Variants in CALN1 observed in about 807,000 individuals in gnomAD.
The protein encoded by CALN1 is calneuron 1, also known as calcium-binding protein 8.
CALN1 carries 17 observed loss-of-function variants against 30.6 expected under a neutral mutation model. That is an observed-to-expected ratio of 0.56 (90% CI 0.38 to 0.83). The LOEUF is 0.83. Ranked by LOEUF, CALN1 falls within the 40% of genes least tolerant of loss-of-function variation. The pLI is 0.00. For synonymous variants in CALN1, 156 were observed against 131.4 expected (o/e 1.19, Z -1.28); for missense variants, 291 against 354.9 (o/e 0.82, Z 1.45).
intron 3 of CALN1, among the ~76,000 whole-genome samples, chr7:72,159,740 G>A (rs140422542): frequency 1.0e-3 from 155 of 152,344 alleles, no homozygotes; most frequent in Admixed American, 3.7e-3. Context: ...AAAGGTTGCA[G>A]TGAACCAAGA....
intron 2 of CALN1, among the ~76,000 whole-genome samples, chr7:72,292,907 C>T (rs974960487): frequency 6.6e-6 from 1 of 151,838 alleles, no homozygotes; most frequent in Non-Finnish European, 1.5e-5. Context: ...ACCGGAGTCT[C>T]ATTTCCTATT....
At chr7:71,949,807 G>A (rs767645460) in intron 5 of CALN1, among the ~76,000 whole-genome samples, 1 of 151,244 alleles carries the variant, frequency 6.6e-6, no homozygotes, top group African/African-American at 2.4e-5. Flanking sequence ...TGTCGCCCAG[G>A]CTGGAGTGCA....
At chr7:72,103,533 T>TC (rs1316729110) in intron 4 of CALN1, among the ~76,000 whole-genome samples, 1 of 152,172 alleles carries the variant, frequency 6.6e-6, no homozygotes, top group Non-Finnish European at 1.5e-5. Context: ...ATGAAACACT[T>TC]CATTTCTTCA....
At chr7:71,791,647 C>T (rs1301094164) in intron 6 of CALN1, among the ~76,000 whole-genome samples, 1 of 152,148 alleles carries the variant, frequency 6.6e-6, no homozygotes, top group African/African-American at 2.4e-5. Context: ...ACAACAAACG[C>T]CTGTGACACG....
intron 3 of CALN1, among the ~76,000 whole-genome samples, chr7:72,256,114 T>G (rs1166259178): frequency 1.3e-5 from 2 of 152,246 alleles, no homozygotes; most frequent in Non-Finnish European, 2.9e-5. Flanking sequence ...ATTAGTGTCC[T>G]ATTAGATGGG....
chr7:72,473,824 C>T, the CALN1 span, among the ~76,000 whole-genome samples: 3 of 151,472 alleles, frequency 2.0e-5, no homozygotes, highest in African/African-American at 7.3e-5. Context: ...ATCCCAGCTA[C>T]CTGGGAGGCT....
chr7:71,933,289 G>A (rs1010645124), intron 5 of CALN1, among the ~76,000 whole-genome samples: 12 of 152,242 alleles, frequency 7.9e-5, no homozygotes, highest in African/African-American at 2.9e-4. Flanking sequence ...TGCGTGGTAC[G>A]TAAATGTCAC....
intron 1 of CALN1, among the ~76,000 whole-genome samples, chr7:72,429,723 TTATA>T (rs1172668700): frequency 6.8e-6 from 1 of 147,736 alleles, no homozygotes; most frequent in South Asian, 2.1e-4. Flanking sequence ...TTATATGTAA[TTATA>T]TATATGTCTG....
intron 5 of CALN1, among the ~76,000 whole-genome samples, chr7:71,879,101 G>A (rs1282629946): frequency 6.6e-6 from 1 of 152,192 alleles, no homozygotes; most frequent in African/African-American, 2.4e-5. Flanking sequence ...CCTGATGGCA[G>A]AGAAAGAATA....
At chr7:72,392,145 A>G (rs1323482307) in intron 2 of CALN1, among the ~76,000 whole-genome samples, 6 of 152,168 alleles carry the variant, frequency 3.9e-5, no homozygotes, top group South Asian at 2.1e-4. Context: ...TGGCAAAACC[A>G]TATGTAGATG....
rs577966465 is a variant in CALN1 at position 72,202,157 on chromosome 7, A to G, written c.244+76529T>C. On this transcript the variant is annotated intron_variant, in intron 3 of 6. Coordinates refer to ENST00000395275, the MANE Select transcript of CALN1 (RefSeq NM_031468.4). ...ACAAGTAACATAAGATTTGCAAGAA[A>G]CCAAAAAGCATTTAAATATCCACAT... Among the ~76,000 whole-genome samples the G allele has an allele frequency of 1.6e-4, 24 of 152,326 alleles. No individual in the cohort carries two copies. In the East Asian group the frequency reaches 4.4e-3, roughly 28 times the overall value.
the CALN1 span, among the ~76,000 whole-genome samples, chr7:72,471,655 G>A: frequency 3.5e-4 from 54 of 152,228 alleles, 1 homozygote; most frequent in Non-Finnish European, 5.6e-4. Flanking sequence ...AGGGTGATGG[G>A]GAGAGCTTAT....
chr7:72,361,576 T>C (rs188180374), intron 2 of CALN1, among the ~76,000 whole-genome samples: 1 of 152,324 alleles, frequency 6.6e-6, no homozygotes, highest in Non-Finnish European at 1.5e-5. Flanking sequence ...GTAAATGTTT[T>C]ATAAAAGTTT....
chr7:72,085,747 G>A (rs1006810588), intron 4 of CALN1, among the ~76,000 whole-genome samples: 1 of 152,192 alleles, frequency 6.6e-6, no homozygotes, highest in Non-Finnish European at 1.5e-5. Flanking sequence ...GAACTCAAGA[G>A]CTTTACATTT....
chr7:72,459,218 T>G, the CALN1 span, among the ~76,000 whole-genome samples: 7 of 152,122 alleles, frequency 4.6e-5, no homozygotes, highest in Non-Finnish European at 1.0e-4. Flanking sequence ...ATTTCTATAT[T>G]AACATGCGAA....
chr7:71,882,894 T>TGTGTGTG (rs1792669257), intron 5 of CALN1, among the ~76,000 whole-genome samples: 7 of 99,074 alleles, frequency 7.1e-5, no homozygotes, highest in African/African-American at 2.3e-4. Flanking sequence ...GTGTGTGTGT[T>TGTGTGTG]TGTAAAGACA....
rs191426414 is a variant in CALN1, at chr7:72,002,098, A to G, written c.501+21559T>C. On this transcript the variant is annotated intron_variant, in intron 5 of 6. Transcript: ENST00000395275. ...TAATGTGAAGGACTGAAAAAATTGA[A>G]TGCTTTCTCTATAAGATTGGGAAGG... 4.6e-5 allele frequency among the ~76,000 whole-genome samples: 7 copies of G among 152,352 alleles called. No individual in the cohort carries two copies. In the East Asian group the frequency reaches 1.3e-3, roughly 29 times the overall value.
At chr7:72,322,451 G>C (rs1009988969) in intron 2 of CALN1, among the ~76,000 whole-genome samples, 3 of 152,134 alleles carry the variant, frequency 2.0e-5, no homozygotes, top group African/African-American at 7.2e-5. Context: ...CCATGGCCAA[G>C]GGGTTGGGGA....
intron 2 of CALN1, among the ~76,000 whole-genome samples, chr7:72,306,690 T>C (rs1271338480): frequency 6.6e-6 from 1 of 152,058 alleles, no homozygotes. Context: ...ACCTATAGCC[T>C]AGAAGCCCCC....
Sources: allele counts gnomAD v4.1 joint callset (sites outside exome capture counted in the v4.1 genomes callset), GRCh38; gene constraint gnomAD v4.1.1; transcripts MANE v1.5; gene names NCBI Gene and HGNC (gene_info 2026-07-23, HGNC 2026-07-21).